MYO7B: variants seen among roughly 807,000 people sequenced by gnomAD.
The protein encoded by MYO7B is unconventional myosin-VIIb.
Under a neutral mutation model 259.7 loss-of-function variants are expected in MYO7B, and 212 were observed. That is an observed-to-expected ratio of 0.82 (90% confidence interval 0.73 to 0.91). MYO7B has a LOEUF of 0.91. MYO7B is among the 40% of genes least tolerant of loss of function. MYO7B has a pLI of 0.00. For synonymous variants in MYO7B, 1,197 were observed against 1,166.4 expected (o/e 1.03, Z -0.54); for missense variants, 2,732 against 2,813.5 (o/e 0.97, Z 0.66).
At chr2:127,581,440 C>A (rs1679094146) in intron 10 of MYO7B, among the ~76,000 whole-genome samples, 1 of 152,212 alleles carries the variant, frequency 6.6e-6, no homozygotes, top group Admixed American at 6.5e-5. Flanking sequence ...ATAAAGCAAG[C>A]AATCACATTA....
chr2:127,594,081 T>C (rs1363011344), intron 18 of MYO7B, among the ~76,000 whole-genome samples: 1 of 152,256 alleles, frequency 6.6e-6, no homozygotes, highest in East Asian at 1.9e-4. Context: ...GGGCTACTGC[T>C]TTAGTGGAAG....
At position 127,597,524 on chromosome 2, in the gene MYO7B, G is replaced by A. The variant is rs921205349; in HGVS notation, c.2339+968G>A. The stretch of plus-strand genomic sequence containing the variant: ...TTGCCATTGCACAAATGTTATATAC[G>A]TGGAATTATACAACATGCAGCCTGG... On this transcript the variant is annotated intron_variant, in intron 19 of 47. Coordinates refer to ENST00000409816, the MANE Select transcript of MYO7B (RefSeq NM_001393586.1). The surrounding 1 kb of genome is among the most constrained non-coding windows in gnomAD (Gnocchi z 4.8). Among the ~76,000 whole-genome samples the A allele has an allele frequency of 1.3e-5, 2 of 152,060 alleles. No homozygotes were observed. The highest frequency in any genetic ancestry group is 4.8e-5 in the African/African-American group (2 of 41,382).
chr2:127,570,937 T>C (rs1270565614), intron 6 of MYO7B, among the ~76,000 whole-genome samples: 3 of 152,220 alleles, frequency 2.0e-5, no homozygotes, highest in Non-Finnish European at 2.9e-5. Flanking sequence ...CATTCCTTTT[T>C]AATGCTGAGT....
rs373586553 is a variant in MYO7B, at chr2:127,635,277, C to T, written c.5820+51C>T. The T allele has an allele frequency of 1.2e-5, 19 of 1,521,158 alleles. No individual in the cohort carries two copies. In the African/African-American group the frequency reaches 1.6e-4, roughly 13 times the overall value. The allele number at this position is 1,521,158 out of a possible 1,614,324, so 94.2% of individuals were successfully genotyped here. ...CACTGGGGCCACCCCCATCTTCCCACACCTGTTCTGAGGCTGTAGAAGCCA... is the reference window on the plus strand; with the variant it reads ...CACTGGGGCCACCCCCATCTTCCCATACCTGTTCTGAGGCTGTAGAAGCCA... On this transcript the variant is annotated intron_variant, in intron 43 of 47. Transcript: ENST00000409816.
In MYO7B at chr2:127,566,798, G is replaced by A. The variant is rs1012035350; in HGVS notation, c.441G>A (p.Arg147=). 5 of 1,611,438 alleles carry A rather than the reference G, an allele frequency of 3.1e-6. No homozygotes were observed. Among genetic ancestry groups the A allele is most frequent in the Non-Finnish European group, 4.2e-6 (5 of 1,179,804 alleles). The part of the protein sequence containing the change: ...IANNCYFSMK[R]NKRDQCCIIS... ...ACAACTGCTACTTCAGCATGAAGAGGAACAAGAGGGACCAGTGCTGCATCA... is the reference window on the plus strand; with the variant it reads ...ACAACTGCTACTTCAGCATGAAGAGAAACAAGAGGGACCAGTGCTGCATCA... Residue 147 remains arginine, a synonymous_variant, in exon 5 of 48, where the codon AGG becomes AGA. Coordinates refer to ENST00000409816, the MANE Select transcript of MYO7B (RefSeq NM_001393586.1).
intron 26 of MYO7B, among the ~76,000 whole-genome samples, chr2:127,617,215 T>TA (rs1389427365): frequency 1.3e-5 from 2 of 152,346 alleles, no homozygotes; most frequent in African/African-American, 4.8e-5. Context: ...CGCCTTTCTG[T>TA]AGCTGCAAAA....
At chr2:127,561,733 A>G (rs996531286) in intron 2 of MYO7B, among the ~76,000 whole-genome samples, 21 of 152,216 alleles carry the variant, frequency 1.4e-4, no homozygotes, top group African/African-American at 4.6e-4. Flanking sequence ...AAGGCCGTAT[A>G]ACTCCTGTAA....
Position 127,629,820 on chromosome 2 carries a change from G to T in MYO7B, c.4800G>T (p.Gln1600His). The T allele has an allele frequency of 6.4e-7, 1 of 1,560,580 alleles. No homozygotes were observed. Among genetic ancestry groups the T allele is most frequent in the Non-Finnish European group, 8.7e-7 (1 of 1,150,976 alleles). The change falls in exon 35 of 48, where the codon CAG becomes CAT. Residue 1600 changes from glutamine to histidine, a missense_variant. Transcript: ENST00000409816. ...TIPTVTKPSA[Q>H]LLSLLAMSPE... Reference sequence around the variant, plus strand: ...CCACGGTCACTAAGCCCTCGGCACAGCTGCTGGTAACTGGCACGCTCCCCT... The same window carrying T: ...CCACGGTCACTAAGCCCTCGGCACATCTGCTGGTAACTGGCACGCTCCCCT...
At chr2:127,537,888 C>T (rs969123635) in intron 1 of MYO7B, among the ~76,000 whole-genome samples, 13 of 152,242 alleles carry the variant, frequency 8.5e-5, no homozygotes, top group Non-Finnish European at 1.3e-4. Context: ...GAGTAGCTAG[C>T]GGCAGAAGAC....
At chr2:127,601,062 T>G (rs1287720356) in intron 19 of MYO7B, among the ~76,000 whole-genome samples, 1 of 152,248 alleles carries the variant, frequency 6.6e-6, no homozygotes, top group Non-Finnish European at 1.5e-5. Context: ...AAATTAAATT[T>G]TCCTTGAAAT....
In MYO7B at chr2:127,584,116, C is replaced by T; in HGVS notation, c.1344-6C>T. On this transcript the variant is annotated splice_polypyrimidine_tract_variant and splice_region_variant and intron_variant, in intron 12 of 47. Transcript: ENST00000409816. This position sits in a 1 kb window ranked among gnomAD's most constrained non-coding sequence, Gnocchi z 5.8. ...CCACCCCTGGGCAGTGACCTTGCCTCCACAGCTTCGAGCAGCTCTGCATCA... is the reference window on the plus strand; with the variant it reads ...CCACCCCTGGGCAGTGACCTTGCCTTCACAGCTTCGAGCAGCTCTGCATCA... 6.2e-7 allele frequency: 1 copy of T among 1,610,532 alleles called. No homozygotes were observed. Among genetic ancestry groups the T allele is most frequent in the Non-Finnish European group, 8.5e-7 (1 of 1,178,326 alleles).
rs1480284127 is a variant in MYO7B at position 127,597,147 on chromosome 2, G to C, written c.2339+591G>C. Among the ~76,000 whole-genome samples, 1 of 152,260 alleles carries C rather than the reference G, an allele frequency of 6.6e-6. No homozygotes were observed. Among genetic ancestry groups the C allele is most frequent in the Non-Finnish European group, 1.5e-5 (1 of 68,044 alleles). The stretch of plus-strand genomic sequence containing the variant: ...GGCCCACAGCTAGAGAGGCAGCTGT[G>C]CTGCTGGGAAGCCGGAGGCCATCTC... On this transcript the variant is annotated intron_variant, in intron 19 of 47. Coordinates refer to ENST00000409816, the MANE Select transcript of MYO7B (RefSeq NM_001393586.1). The surrounding 1 kb of genome is among the most constrained non-coding windows in gnomAD (Gnocchi z 4.8).
intron 19 of MYO7B, among the ~76,000 whole-genome samples, chr2:127,602,750 G>A (rs761029077): frequency 6.6e-6 from 1 of 152,162 alleles, no homozygotes; most frequent in Non-Finnish European, 1.5e-5. Flanking sequence ...TGTAATCCCA[G>A]CACTGTGACC....
chr2:127,574,306 C>A (rs557339781), intron 7 of MYO7B, among the ~76,000 whole-genome samples: 1 of 152,098 alleles, frequency 6.6e-6, no homozygotes, highest in Non-Finnish European at 1.5e-5. Flanking sequence ...GAGGCCAAAG[C>A]GGGTGGGTTA....
Position 127,612,530 on chromosome 2 carries a change from G to A in MYO7B, c.3325G>A (p.Ala1109Thr), listed in dbSNP as rs1340852363. The change falls in exon 26 of 48, where the codon GCA becomes ACA. Residue 1109 changes from alanine to threonine, a missense_variant. Around this residue, in one of 3 missense-constraint regions of MYO7B, gnomAD observed 1,906 missense variants for 2,026.4 expected, o/e 0.94. Coordinates refer to ENST00000409816, the MANE Select transcript of MYO7B (RefSeq NM_001393586.1). ...EEALEPDGLG[A>T]DRPMSNLEKV... ...GGCATTGGAGCCTGATGGCCTTGGT[G>A]CAGACCGGCCCATGTCCAACCTGGA... The A allele has an allele frequency of 3.2e-6, 5 of 1,581,994 alleles. No homozygotes were observed. The African/African-American group carries it at 5.4e-5, about 17-fold the overall frequency.
rs1692925393 is a variant in MYO7B at position 127,539,631 on chromosome 2, G to A, written c.-24+3800G>A. 6.6e-6 allele frequency among the ~76,000 whole-genome samples: 1 copy of A among 152,002 alleles called. No homozygotes were observed. On this transcript the variant is annotated intron_variant, in intron 1 of 47. Coordinates refer to ENST00000409816, the MANE Select transcript of MYO7B (RefSeq NM_001393586.1). This position sits in a 1 kb window ranked among gnomAD's most constrained non-coding sequence, Gnocchi z 4.0. ...TCTCAGCATGAAGGGGGCTTCTCAAGGACTATCATAAAAAGGAATGAATAA... is the reference window on the plus strand; with the variant it reads ...TCTCAGCATGAAGGGGGCTTCTCAAAGACTATCATAAAAAGGAATGAATAA...
intron 2 of MYO7B, among the ~76,000 whole-genome samples, chr2:127,561,955 TC>T (rs1454012214): frequency 1.3e-5 from 2 of 152,262 alleles, no homozygotes; most frequent in East Asian, 3.9e-4. Context: ...TCTCATCTTA[TC>T]TTCACATGGC....
At chr2:127,631,560 C>A (rs1310762410) in intron 37 of MYO7B, 40 bp from the exon 38 acceptor site, 1 of 1,602,670 alleles carries the variant, frequency 6.2e-7, no homozygotes, top group Non-Finnish European at 8.5e-7. Context: ...TCTGTGTCAG[C>A]GTGGGGCTGC....
chr2:127,631,153 G>A (rs760685606), intron 36 of MYO7B, 53 bp from the exon 37 acceptor site: 118 of 1,519,658 alleles, frequency 7.8e-5, no homozygotes, highest in Non-Finnish European at 9.5e-5. Context: ...ACAGAGAAGC[G>A]TGGGACAGAG....
Sources: allele counts gnomAD v4.1 joint callset (sites outside exome capture counted in the v4.1 genomes callset), GRCh38; gene constraint gnomAD v4.1.1; regional missense constraint gnomAD v4.1.1; non-coding constraint Gnocchi (gnomAD v3.1); transcripts MANE v1.5; gene names NCBI Gene and HGNC (gene_info 2026-07-23, HGNC 2026-07-21).